EFCAB7: variants seen among roughly 807,000 people sequenced by gnomAD.
EFCAB7 encodes EF-hand calcium binding domain 7, also known as EF-hand calcium-binding domain-containing protein 7.
A neutral mutation model predicts 77.1 loss-of-function variants in EFCAB7; 66 were observed. The observed-to-expected ratio is 0.86, with a 90% CI of 0.70 to 1.05. The LOEUF is 1.05. EFCAB7 is among the 50% of genes least tolerant of loss of function. The pLI is 0.00. For synonymous variants in EFCAB7, 225 were observed against 243.3 expected (o/e 0.92, Z 0.70); for missense variants, 638 against 730.5 (o/e 0.87, Z 1.46).
chr1:63,533,756 TAA>T, intron 5 of EFCAB7, 107 bp downstream of exon 5: 1 of 839,820 alleles, frequency 1.2e-6, no homozygotes, highest in Non-Finnish European at 1.7e-6. Flanking sequence ...AATGAGAATC[TAA>T]CTTTTGTTAG....
At chr1:63,537,044 C>T (rs769185881) in intron 6 of EFCAB7, among the ~76,000 whole-genome samples, 3 of 152,058 alleles carry the variant, frequency 2.0e-5, no homozygotes, top group Non-Finnish European at 2.9e-5. Context: ...ACCACAAAAC[C>T]ACACAATTGG....
rs869302346 is a variant in EFCAB7 at position 63,562,449 on chromosome 1, TTATATATATATATATATATA to T, written c.1497+619_1497+638del. 2.5e-3 allele frequency among the ~76,000 whole-genome samples: 57 copies of T among 22,484 alleles called. 3 individuals are homozygous for T. Among genetic ancestry groups the T allele is most frequent in the Admixed American group, 0.02 (27 of 1,326 alleles). The allele number at this position is 22,484 out of a possible 152,430, so 14.8% of individuals were successfully genotyped here. A position where few individuals can be genotyped will look rare whatever the true frequency, so the allele number is the denominator to read the frequency against. The stretch of plus-strand genomic sequence containing the variant: ...TAAAAATTAGGCCTTCTTAATTTAT[TTATATATATATATATATATA>T]TATATATATATATATATATATATAT... On this transcript the variant is annotated intron_variant, in intron 11 of 13. Transcript: ENST00000371088.
At chr1:63,574,884 A>G (rs1050437498), downstream of EFCAB7, among the ~76,000 whole-genome samples, 1 of 152,188 alleles carries the variant, frequency 6.6e-6, no homozygotes, top group Non-Finnish European at 1.5e-5. Flanking sequence ...GCTTGCTGAG[A>G]GGTAGTGGAG....
chr1:63,524,740 C>T (rs1472894975), intron 1 of EFCAB7, among the ~76,000 whole-genome samples: 3 of 152,150 alleles, frequency 2.0e-5, no homozygotes, highest in Non-Finnish European at 4.4e-5. Flanking sequence ...GTGAAATTTA[C>T]GGCTTTTTGC....
the EFCAB7 span, among the ~76,000 whole-genome samples, chr1:63,581,909 A>C: frequency 6.6e-6 from 1 of 152,268 alleles, no homozygotes; most frequent in Non-Finnish European, 1.5e-5. Flanking sequence ...ACATAAACAC[A>C]GACTACACAT....
At chr1:63,582,895 G>A in the EFCAB7 span, among the ~76,000 whole-genome samples, 2 of 152,100 alleles carry the variant, frequency 1.3e-5, no homozygotes, top group African/African-American at 4.8e-5. Context: ...GTGAGCCACC[G>A]CACCCAGCCA....
chr1:63,572,709 A>C, downstream of EFCAB7: 1 of 927,464 alleles, frequency 1.1e-6, no homozygotes, highest in Non-Finnish European at 1.4e-6. Context: ...TGGTGTTCTT[A>C]TTTAGTAGGA....
chr1:63,534,270 G>A, intron 6 of EFCAB7, 54 bp downstream of exon 6: 1 of 1,533,068 alleles, frequency 6.5e-7, no homozygotes, highest in South Asian at 1.2e-5. Context: ...TTGACATTAA[G>A]TTTATTAATA....
chr1:63,538,619 A>G (rs1204777257), intron 6 of EFCAB7, among the ~76,000 whole-genome samples: 1 of 151,964 alleles, frequency 6.6e-6, no homozygotes. Context: ...ACGCTGGCTA[A>G]TTTTTGTAGT....
At chr1:63,540,966 T>C (rs962183161) in intron 6 of EFCAB7, among the ~76,000 whole-genome samples, 3 of 152,146 alleles carry the variant, frequency 2.0e-5, no homozygotes, top group Admixed American at 1.3e-4. Flanking sequence ...ATACATTCAT[T>C]AACACTCACA....
chr1:63,527,499 C>CT (rs34103744), intron 2 of EFCAB7, among the ~76,000 whole-genome samples: 1 of 122,218 alleles, frequency 8.2e-6, no homozygotes, highest in Non-Finnish European at 1.7e-5. Context: ...CTTTAAGTTC[C>CT]TTTTTTGTCA....
intron 6 of EFCAB7, among the ~76,000 whole-genome samples, chr1:63,544,993 A>G (rs1204421604): frequency 7.1e-6 from 1 of 141,146 alleles, no homozygotes; most frequent in African/African-American, 2.7e-5. Flanking sequence ...ATCTCGGCTC[A>G]CTGCAACCTC....
intron 9 of EFCAB7, among the ~76,000 whole-genome samples, chr1:63,556,692 A>G (rs1248041918): frequency 6.6e-6 from 1 of 152,162 alleles, no homozygotes. Context: ...GAAATTGTGT[A>G]ACGCTATATT....
chr1:63,525,538 T>A, intron 1 of EFCAB7, 34 bp from the exon 2 acceptor site: 5 of 1,423,176 alleles, frequency 3.5e-6, no homozygotes, highest in Non-Finnish European at 3.7e-6. Context: ...GTGACTCACA[T>A]TGACAAACAC....
the EFCAB7 span, among the ~76,000 whole-genome samples, chr1:63,581,526 AT>A: frequency 6.6e-6 from 1 of 151,800 alleles, no homozygotes; most frequent in South Asian, 2.1e-4. Context: ...AACCTGACTG[AT>A]TTTCAAATTT....
chr1:63,543,066 T>C (rs1646849119), intron 6 of EFCAB7, among the ~76,000 whole-genome samples: 2 of 152,098 alleles, frequency 1.3e-5, no homozygotes, highest in African/African-American at 4.8e-5. Context: ...CTTCTTAGAG[T>C]TTTATAATTT....
At chr1:63,584,392 A>C in the EFCAB7 span, among the ~76,000 whole-genome samples, 1 of 152,208 alleles carries the variant, frequency 6.6e-6, no homozygotes, top group South Asian at 2.1e-4. Flanking sequence ...TTGTCTCTAC[A>C]AAAAATAAAA....
At chr1:63,578,792 G>C in the EFCAB7 span, among the ~76,000 whole-genome samples, 2 of 151,608 alleles carry the variant, frequency 1.3e-5, no homozygotes, top group African/African-American at 4.9e-5. Context: ...TGTGTGCAAA[G>C]TACTGCTTTA....
intron 6 of EFCAB7, among the ~76,000 whole-genome samples, chr1:63,545,449 A>G (rs193262260): frequency 2.0e-4 from 31 of 152,240 alleles, no homozygotes; most frequent in Admixed American, 1.9e-3. Flanking sequence ...TTTTGTGTTA[A>G]CCATATATTA....
Sources: allele counts gnomAD v4.1 joint callset (sites outside exome capture counted in the v4.1 genomes callset), GRCh38; gene constraint gnomAD v4.1.1; transcripts MANE v1.5; gene names NCBI Gene and HGNC (gene_info 2026-07-23, HGNC 2026-07-21).